The following SLC30A7 variants were observed in gnomAD, a reference collection of about 807,000 sequenced individuals.
The protein encoded by SLC30A7 is solute carrier family 30 member 7, also known as zinc transporter 7.
SLC30A7 carries 35 observed loss-of-function variants against 46.0 expected under a neutral mutation model. The ratio of observed to expected loss-of-function variants is 0.76; its 90% confidence interval spans 0.58 to 1.01. The LOEUF (loss-of-function observed/expected upper bound fraction) is 1.01. SLC30A7 is among the 50% of genes least tolerant of loss of function. The pLI, the probability that SLC30A7 is intolerant of heterozygous loss-of-function variation, is 0.00. For synonymous variants in SLC30A7, 147 were observed against 157.8 expected, an observed-to-expected ratio of 0.93 and a Z score of 0.51; for missense variants, 464 against 451.1, an observed-to-expected ratio of 1.03 and a Z score of -0.26.
intron 6 of SLC30A7, among the ~76,000 whole-genome samples, chr1:100,916,704 C>CTTTTTTTTTTTTT (rs33980397): frequency 2.2e-5 from 2 of 92,320 alleles, no homozygotes; most frequent in Non-Finnish European, 2.1e-5. Context: ...TTCATTCATT[C>CTTTTTTTTTTTTT]TTTTTTTTTT....
At chr1:100,905,581 T>G (rs1253878432) in intron 2 of SLC30A7, among the ~76,000 whole-genome samples, 1 of 152,150 alleles carries the variant, frequency 6.6e-6, no homozygotes, top group East Asian at 1.9e-4. Flanking sequence ...ATGCTCTGCT[T>G]TTTTTGTTTG....
intron 8 of SLC30A7, chr1:100,941,727 G>A (rs1409985074): frequency 9.4e-6 from 6 of 639,948 alleles, no homozygotes; most frequent in Non-Finnish European, 1.5e-5. Context: ...CATCCACCTT[G>A]TGTAGCTTTG....
downstream of SLC30A7, among the ~76,000 whole-genome samples, chr1:100,985,290 A>C (rs1332301995): frequency 6.6e-6 from 1 of 152,236 alleles, no homozygotes; most frequent in Non-Finnish European, 1.5e-5. Context: ...AAACTTCCCA[A>C]GTTTGGTGAT....
intron 8 of SLC30A7, among the ~76,000 whole-genome samples, chr1:100,934,744 A>G (rs1170274251): frequency 1.3e-5 from 2 of 151,642 alleles, no homozygotes; most frequent in Non-Finnish European, 2.9e-5. Flanking sequence ...TTAGCATTTT[A>G]CATGTTCTTG....
chr1:100,966,000 G>A, intron 10 of SLC30A7, 82 bp downstream of exon 10: 1 of 1,226,832 alleles, frequency 8.2e-7, no homozygotes, highest in Non-Finnish European at 1.1e-6. Flanking sequence ...CAAGGCCAAT[G>A]TGAGAGGATG....
In SLC30A7 at chr1:100,965,892, A is replaced by G. The variant is rs745859109; in HGVS notation, c.1057A>G (p.Ser353Gly). 1 of 1,613,124 alleles carries G rather than the reference A, an allele frequency of 6.2e-7. No individual in the cohort carries two copies. Among genetic ancestry groups the G allele is most frequent in the Non-Finnish European group, 8.5e-7 (1 of 1,179,750 alleles). The change falls in exon 10 of 11, where the codon AGC becomes GGC. Residue 353 changes from serine to glycine, a missense_variant. Ser to Gly is a moderately conservative substitution (Grantham distance 56, BLOSUM62 0). Transcript: ENST00000357650. ...APDADARWILSQTHNIFTQAG... is the reference protein window; with the variant it reads ...APDADARWILGQTHNIFTQAG... ...TGATGCTGATGCTAGGTGGATTTTAAGCCAAACACATAATATTTTTACTCA... is the reference window on the plus strand; with the variant it reads ...TGATGCTGATGCTAGGTGGATTTTAGGCCAAACACATAATATTTTTACTCA...
At chr1:100,912,896 T>C (rs1264560806) in intron 5 of SLC30A7, among the ~76,000 whole-genome samples, 1 of 151,118 alleles carries the variant, frequency 6.6e-6, no homozygotes, top group African/African-American at 2.4e-5. Flanking sequence ...AAAAAGTGTG[T>C]GTGTTTATGA....
chr1:100,995,215 C>A, the SLC30A7 span: 3 of 1,156,286 alleles, frequency 2.6e-6, no homozygotes, highest in South Asian at 2.6e-5. Context: ...TATGTGTAAA[C>A]CTCAGTTAAG....
intron 8 of SLC30A7, among the ~76,000 whole-genome samples, chr1:100,922,864 A>G (rs1653031225): frequency 3.3e-5 from 5 of 152,260 alleles, no homozygotes; most frequent in South Asian, 4.1e-4. Context: ...AAAAATTTAC[A>G]TATACACTGT....
intron 9 of SLC30A7, among the ~76,000 whole-genome samples, chr1:100,965,216 T>C (rs761119979): frequency 7.9e-5 from 12 of 152,240 alleles, no homozygotes; most frequent in Non-Finnish European, 1.5e-4. Flanking sequence ...CCTCTTTCTT[T>C]GTAAACTGCT....
At chr1:100,974,787 C>T in intron 10 of SLC30A7, 23 bp from the exon 11 acceptor site, 2 of 1,455,864 alleles carry the variant, frequency 1.4e-6, no homozygotes, top group Non-Finnish European at 1.9e-6. Context: ...GATTTTCTAA[C>T]TTTTTTTTTT....
At chr1:100,958,694 G>A (rs1449093824) in intron 8 of SLC30A7, among the ~76,000 whole-genome samples, 1 of 152,034 alleles carries the variant, frequency 6.6e-6, no homozygotes, top group Non-Finnish European at 1.5e-5. Flanking sequence ...TAAAATTTAT[G>A]AATTAATTAT....
At chr1:100,909,661 A>G (rs745364104) in intron 3 of SLC30A7, among the ~76,000 whole-genome samples, 2 of 152,104 alleles carry the variant, frequency 1.3e-5, no homozygotes, top group Non-Finnish European at 2.9e-5. Context: ...TTTAACAAAT[A>G]TATCTTAAAC....
chr1:100,955,326 G>C (rs1558002970), intron 8 of SLC30A7, among the ~76,000 whole-genome samples: 1 of 151,966 alleles, frequency 6.6e-6, no homozygotes, highest in Non-Finnish European at 1.5e-5. Flanking sequence ...AGTAACTACT[G>C]CTTATTTAAT....
chr1:100,965,859 G>C lies in SLC30A7; in HGVS notation c.1024G>C (p.Val342Leu). The change falls in exon 10 of 11, where the codon GTA (valine) becomes CTA (leucine). Residue 342 changes from valine (V) to leucine (L), a missense_variant. Transcript: ENST00000357650. Reference protein sequence around the residue: ...DVYVGTLKLIVAPDADARWIL... With the variant: ...DVYVGTLKLILAPDADARWIL... ...TTATGTTGGGACCTTGAAATTAATA[G>C]TAGCACCTGATGCTGATGCTAGGTG... 1 of 1,613,910 alleles carries C rather than the reference G, an allele frequency of 6.2e-7. No homozygotes were observed.
In SLC30A7 at chr1:100,916,164, G is replaced by T. The variant is rs142267278; in HGVS notation, c.656-1913G>T. Among the ~76,000 whole-genome samples the T allele has an allele frequency of 2.8e-4, 43 of 151,180 alleles. No individual in the cohort carries two copies. The East Asian group carries it at 7.7e-3, about 27-fold the overall frequency. On this transcript the variant is annotated intron_variant, in intron 6 of 10. Transcript: ENST00000357650. ...TATTTTTAATTTTTGTGGGTACATA[G>T]TAGCTGTATATTCTTATTATTTATT... is the stretch of plus-strand genomic sequence containing the variant.
the SLC30A7 span, chr1:100,992,660 T>A: frequency 6.2e-6 from 10 of 1,613,830 alleles, no homozygotes; most frequent in African/African-American, 1.2e-4. Flanking sequence ...TCGTATTCTT[T>A]GATTTTGAAC....
At chr1:100,902,505 A>C (rs1036748447) in intron 2 of SLC30A7, among the ~76,000 whole-genome samples, 1 of 152,180 alleles carries the variant, frequency 6.6e-6, no homozygotes, top group African/African-American at 2.4e-5. Flanking sequence ...AGTCTGGTGT[A>C]ATAAAACACC....
At chr1:100,925,792 G>A (rs1653258953) in intron 8 of SLC30A7, among the ~76,000 whole-genome samples, 1 of 152,152 alleles carries the variant, frequency 6.6e-6, no homozygotes, top group East Asian at 1.9e-4. Context: ...CATTGATATG[G>A]AGAGTTCAAA....
Sources: allele counts gnomAD v4.1 joint callset (sites outside exome capture counted in the v4.1 genomes callset), GRCh38; gene constraint gnomAD v4.1.1; transcripts MANE v1.5; gene names NCBI Gene and HGNC (gene_info 2026-07-23, HGNC 2026-07-21).